SPMAP2L: variants seen among roughly 807,000 people sequenced by gnomAD.
SPMAP2L encodes sperm microtubule associated protein 2-like.
At chr4:56,530,665 C>G in the SPMAP2L span, 3 of 1,532,132 alleles carry the variant, frequency 2.0e-6, no homozygotes, top group Non-Finnish European at 2.6e-6. Context: ...GCGACAGAAG[C>G]TTCTGGCGCG....
the SPMAP2L span, among the ~76,000 whole-genome samples, chr4:56,611,813 C>T: frequency 3.3e-3 from 501 of 152,216 alleles, 4 homozygotes; most frequent in African/African-American, 0.011. Flanking sequence ...AAGCCAAATA[C>T]GCTCCCTAAG....
the SPMAP2L span, chr4:56,594,168 A>G: frequency 6.2e-7 from 1 of 1,612,748 alleles, no homozygotes; most frequent in Non-Finnish European, 8.5e-7. Flanking sequence ...ATGGGAGAGG[A>G]GTGCAGAGGT....
the SPMAP2L span, among the ~76,000 whole-genome samples, chr4:56,577,721 C>A: frequency 8.5e-5 from 13 of 152,170 alleles, no homozygotes; most frequent in Non-Finnish European, 1.3e-4. Context: ...TGAGATAATT[C>A]ATTGCCAGCA....
chr4:56,570,901 T>C, the SPMAP2L span, among the ~76,000 whole-genome samples: 1 of 152,044 alleles, frequency 6.6e-6, no homozygotes, highest in African/African-American at 2.4e-5. Flanking sequence ...CCTCCCGGGT[T>C]CAAGCAATTC....
chr4:56,598,320 A>G, the SPMAP2L span, among the ~76,000 whole-genome samples: 1 of 152,310 alleles, frequency 6.6e-6, no homozygotes, highest in African/African-American at 2.4e-5. Context: ...TTCAGCACCA[A>G]CTATGTGCCA....
the SPMAP2L span, among the ~76,000 whole-genome samples, chr4:56,543,285 G>T: frequency 1.6e-3 from 238 of 152,152 alleles, 9 homozygotes; most frequent in East Asian, 0.042. Context: ...GAGTTTCACC[G>T]TGTTAGCCAG....
chr4:56,535,769 C>T, the SPMAP2L span, among the ~76,000 whole-genome samples: 1 of 152,306 alleles, frequency 6.6e-6, no homozygotes, highest in African/African-American at 2.4e-5. Context: ...ACAGAAGTCC[C>T]TTAGAACATA....
the SPMAP2L span, among the ~76,000 whole-genome samples, chr4:56,583,268 C>T: frequency 1.6e-4 from 24 of 147,620 alleles, no homozygotes; most frequent in Non-Finnish European, 3.0e-4. Flanking sequence ...AGCGAGACTC[C>T]ATCTGAGAAA....
the SPMAP2L span, among the ~76,000 whole-genome samples, chr4:56,540,151 C>T: frequency 6.6e-6 from 1 of 152,100 alleles, no homozygotes; most frequent in Non-Finnish European, 1.5e-5. Flanking sequence ...TTAAGACAAC[C>T]CTTTGAAGTA....
At chr4:56,559,299 G>A in the SPMAP2L span, 1 of 1,009,352 alleles carries the variant, frequency 9.9e-7, no homozygotes, top group East Asian at 4.7e-5. Flanking sequence ...GAGCAAGACT[G>A]TCTCAAAAAA....
chr4:56,561,771 C>T, the SPMAP2L span, among the ~76,000 whole-genome samples: 26 of 152,272 alleles, frequency 1.7e-4, no homozygotes, highest in African/African-American at 4.8e-4. Flanking sequence ...GTTGCCCAGG[C>T]TGGAGTGCAG....
At chr4:56,543,050 T>C in the SPMAP2L span, among the ~76,000 whole-genome samples, 3 of 152,034 alleles carry the variant, frequency 2.0e-5, no homozygotes, top group African/African-American at 7.2e-5. Flanking sequence ...TACTTTTACC[T>C]TTACAATACA....
chr4:56,543,141 G>T, the SPMAP2L span, among the ~76,000 whole-genome samples: 4,863 of 151,514 alleles, frequency 0.032, 241 homozygotes, highest in African/African-American at 0.11. Context: ...TGGAGTGCAG[G>T]GGTGCGATCT....
At chr4:56,552,930 C>T in the SPMAP2L span, among the ~76,000 whole-genome samples, 9 of 152,110 alleles carry the variant, frequency 5.9e-5, no homozygotes, top group Non-Finnish European at 1.2e-4. Flanking sequence ...GACTTGAGAA[C>T]CACTGCTCAG....
the SPMAP2L span, among the ~76,000 whole-genome samples, chr4:56,544,978 T>C: frequency 1.3e-5 from 2 of 152,216 alleles, no homozygotes; most frequent in Non-Finnish European, 2.9e-5. Flanking sequence ...GAGCCTGTCC[T>C]ATACCACTGA....
At chr4:56,595,330 GC>G in the SPMAP2L span, 2 of 1,609,328 alleles carry the variant, frequency 1.2e-6, no homozygotes, top group Admixed American at 3.3e-5. Flanking sequence ...TGGATTTCAC[GC>G]CCCTATCATG....
At chr4:56,539,235 A>C in the SPMAP2L span, among the ~76,000 whole-genome samples, 1 of 152,120 alleles carries the variant, frequency 6.6e-6, no homozygotes, top group Admixed American at 6.6e-5. Flanking sequence ...TGGTGTAGGT[A>C]GTGAGCTGTA....
At chr4:56,539,206 T>G in the SPMAP2L span, among the ~76,000 whole-genome samples, 1 of 152,228 alleles carries the variant, frequency 6.6e-6, no homozygotes, top group Admixed American at 6.5e-5. Context: ...TGAACTTTAT[T>G]GAGCGCATAC....
the SPMAP2L span, among the ~76,000 whole-genome samples, chr4:56,567,443 T>G: frequency 5.0e-5 from 1 of 20,112 alleles, no homozygotes; most frequent in Non-Finnish European, 8.8e-5. Flanking sequence ...ATTTTGGTGG[T>G]TTTTTTTTTT....
Sources: gnomAD v4.1 joint callset for allele counts (sites outside exome capture counted in the v4.1 genomes callset) on GRCh38, gnomAD v4.1.1 for gene constraint, MANE v1.5 for transcripts, NCBI Gene and HGNC (gene_info 2026-07-23, HGNC 2026-07-21) for gene names.